The following AFG2A variants were observed in gnomAD, a reference collection of about 807,000 sequenced individuals.
The protein encoded by AFG2A is ATPase family gene 2 protein homolog A.
chr4:123,302,882 G>A, the AFG2A span, among the ~76,000 whole-genome samples: 1 of 152,192 alleles, frequency 6.6e-6, no homozygotes, highest in African/African-American at 2.4e-5. Flanking sequence ...TGAAGATTAG[G>A]TAGATGAGCC....
chr4:123,015,743 A>C, the AFG2A span, among the ~76,000 whole-genome samples: 1 of 149,178 alleles, frequency 6.7e-6, no homozygotes, highest in Non-Finnish European at 1.5e-5. Context: ...GGGGCTCCTC[A>C]CTTCCCAGTA....
the AFG2A span, among the ~76,000 whole-genome samples, chr4:122,960,258 T>C: frequency 6.6e-6 from 1 of 152,210 alleles, no homozygotes. Context: ...ATTAATTCCC[T>C]CAAAATTTAT....
At chr4:123,210,650 G>T in the AFG2A span, among the ~76,000 whole-genome samples, 1 of 152,142 alleles carries the variant, frequency 6.6e-6, no homozygotes, top group Admixed American at 6.5e-5. Flanking sequence ...AAACATGGGA[G>T]TACAGATAGC....
At chr4:123,078,741 A>G in the AFG2A span, among the ~76,000 whole-genome samples, 2 of 152,150 alleles carry the variant, frequency 1.3e-5, no homozygotes, top group African/African-American at 2.4e-5. Context: ...AGATTGACTC[A>G]GTGGGTTTGA....
the AFG2A span, among the ~76,000 whole-genome samples, chr4:123,039,178 T>C: frequency 5.1e-4 from 78 of 152,198 alleles, no homozygotes; most frequent in East Asian, 0.015. Context: ...GCCAGATAAT[T>C]AAAAAGCAGT....
chr4:123,301,905 G>C, the AFG2A span, among the ~76,000 whole-genome samples: 3 of 152,066 alleles, frequency 2.0e-5, no homozygotes, highest in South Asian at 6.2e-4. Context: ...ATAAAGAGAA[G>C]ACTCTAACAA....
chr4:123,095,043 ATATATATAT>A, the AFG2A span, among the ~76,000 whole-genome samples: 1 of 107,816 alleles, frequency 9.3e-6, no homozygotes, highest in African/African-American at 3.5e-5. Flanking sequence ...AAAAAAAAAA[ATATATATAT>A]ATATATATAT....
chr4:123,212,542 C>T, the AFG2A span, among the ~76,000 whole-genome samples: 1 of 152,126 alleles, frequency 6.6e-6, no homozygotes, highest in Non-Finnish European at 1.5e-5. Flanking sequence ...GGAATGTTGG[C>T]TTCCAATCTT....
the AFG2A span, chr4:123,314,005 G>A: frequency 4.3e-6 from 7 of 1,610,926 alleles, no homozygotes; most frequent in Non-Finnish European, 5.9e-6. Context: ...TAGAATTCCT[G>A]AGTCATTGAG....
the AFG2A span, among the ~76,000 whole-genome samples, chr4:123,257,382 TAAC>T: frequency 4.0e-5 from 6 of 150,868 alleles, no homozygotes; most frequent in South Asian, 2.1e-4. Flanking sequence ...AAGTTGAAAA[TAAC>T]AAGTTGAAAA....
the AFG2A span, chr4:122,934,425 C>G: frequency 6.2e-7 from 1 of 1,614,196 alleles, no homozygotes; most frequent in African/African-American, 1.3e-5. Context: ...CTGGAGATGG[C>G]AGTGGACTTA....
At chr4:123,012,684 A>T in the AFG2A span, among the ~76,000 whole-genome samples, 63 of 152,306 alleles carry the variant, frequency 4.1e-4, no homozygotes, top group Non-Finnish European at 5.6e-4. Context: ...TCTACCAGAA[A>T]AGGAAAGGAA....
chr4:123,004,628 C>T, the AFG2A span, among the ~76,000 whole-genome samples: 1 of 152,164 alleles, frequency 6.6e-6, no homozygotes, highest in South Asian at 2.1e-4. Flanking sequence ...ATACTGTCTA[C>T]TAATATTTTG....
At chr4:123,179,774 C>T in the AFG2A span, among the ~76,000 whole-genome samples, 14 of 152,140 alleles carry the variant, frequency 9.2e-5, no homozygotes, top group African/African-American at 3.1e-4. Flanking sequence ...ATCCCTTTGA[C>T]AATACTATAA....
chr4:123,095,784 TTTGGCC>T, the AFG2A span, among the ~76,000 whole-genome samples: 1 of 152,134 alleles, frequency 6.6e-6, no homozygotes, highest in Non-Finnish European at 1.5e-5. Context: ...AATCCAGGCA[TTTGGCC>T]TTTTAAATTA....
chr4:123,003,477 G>A, the AFG2A span, among the ~76,000 whole-genome samples: 1 of 152,120 alleles, frequency 6.6e-6, no homozygotes, highest in Non-Finnish European at 1.5e-5. Flanking sequence ...GTACAGGTGG[G>A]TTTTTGGTGT....
the AFG2A span, among the ~76,000 whole-genome samples, chr4:123,258,217 G>A: frequency 6.6e-6 from 1 of 152,276 alleles, no homozygotes; most frequent in East Asian, 1.9e-4. Context: ...TTCTAATTTA[G>A]ATGAGGCAGG....
At chr4:123,095,306 A>G in the AFG2A span, among the ~76,000 whole-genome samples, 1 of 151,946 alleles carries the variant, frequency 6.6e-6, no homozygotes, top group Non-Finnish European at 1.5e-5. Context: ...TTTTTTAACT[A>G]TACTTTTGTT....
the AFG2A span, among the ~76,000 whole-genome samples, chr4:123,313,042 C>G: frequency 6.6e-6 from 1 of 152,206 alleles, no homozygotes; most frequent in Non-Finnish European, 1.5e-5. Context: ...CACAATATCT[C>G]TTTTCATCCC....
Sources: gnomAD v4.1 joint callset for allele counts (sites outside exome capture counted in the v4.1 genomes callset) on GRCh38, gnomAD v4.1.1 for gene constraint, MANE v1.5 for transcripts, NCBI Gene and HGNC (gene_info 2026-07-23, HGNC 2026-07-21) for gene names.